ARL15: variants seen among roughly 807,000 people sequenced by gnomAD.
ARL15 encodes ADP-ribosylation factor-like protein 15.
A neutral mutation model predicts 25.2 loss-of-function variants in ARL15; 19 were observed. The observed-to-expected ratio is 0.75, with a 90% CI of 0.53 to 1.10. The LOEUF is 1.10. Among genes scored for constraint, ARL15 ranks in the 50% least tolerant of loss-of-function variants. The probability of loss-of-function intolerance (pLI) is 0.00; values close to 1 mark genes in which losing one functional copy is unlikely to be tolerated. For synonymous variants in ARL15, 94 were observed against 86.8 expected (o/e 1.08, Z -0.46); for missense variants, 220 against 246.0 (o/e 0.89, Z 0.71).
chr5:54,039,720 T>G (rs903649306), intron 4 of ARL15, among the ~76,000 whole-genome samples: 1 of 146,180 alleles, frequency 6.8e-6, no homozygotes, highest in Non-Finnish European at 1.5e-5. Flanking sequence ...GAGAATCGCT[T>G]GAACCCGGGA....
intron 3 of ARL15, among the ~76,000 whole-genome samples, chr5:54,122,451 T>C (rs1220803548): frequency 6.6e-6 from 1 of 152,276 alleles, no homozygotes; most frequent in Non-Finnish European, 1.5e-5. Context: ...TGTGCGTGTA[T>C]ACGCATACCT....
intron 1 of ARL15, among the ~76,000 whole-genome samples, chr5:54,184,204 C>G (rs1250846261): frequency 7.9e-6 from 1 of 125,978 alleles, no homozygotes; most frequent in African/African-American, 3.0e-5. Flanking sequence ...ACATATGTAA[C>G]TAACCTGCAC....
chr5:54,107,256 G>A (rs1161225160), intron 4 of ARL15, among the ~76,000 whole-genome samples: 4 of 152,038 alleles, frequency 2.6e-5, no homozygotes, highest in East Asian at 1.9e-4. Context: ...CCCACAACAC[G>A]TGAGAATTCT....
At chr5:54,008,037 C>G (rs1749105016) in intron 4 of ARL15, among the ~76,000 whole-genome samples, 1 of 152,184 alleles carries the variant, frequency 6.6e-6, no homozygotes, top group Non-Finnish European at 1.5e-5. Context: ...CTAAAAGCAG[C>G]TATATTTGAT....
At chr5:54,172,371 C>A (rs1198570238) in intron 1 of ARL15, among the ~76,000 whole-genome samples, 1 of 150,728 alleles carries the variant, frequency 6.6e-6, no homozygotes, top group African/African-American at 2.4e-5. Context: ...ACTAAAAAGA[C>A]ATAATAATAA....
At chr5:54,301,718 C>G (rs1758620409) in intron 1 of ARL15, among the ~76,000 whole-genome samples, 1 of 152,168 alleles carries the variant, frequency 6.6e-6, no homozygotes, top group South Asian at 2.1e-4. Context: ...TGGAGTGCCT[C>G]CAGATTGTCA....
rs73754468 is a variant in ARL15, at chr5:54,172,453, C to T, written c.49-525G>A. Among the ~76,000 whole-genome samples, 837 of 151,806 alleles carry T rather than the reference C, an allele frequency of 5.5e-3. 12 individuals carry two copies. Among genetic ancestry groups the T allele is most frequent in the African/African-American group, 0.019 (765 of 41,350 alleles). On this transcript the variant is annotated intron_variant, in intron 1 of 4. Coordinates refer to ENST00000504924, the MANE Select transcript of ARL15 (RefSeq NM_019087.3). ...AAAGCCATAAATGACATTATTGAGA[C>T]AATAAGTGAACACTGAATATAGACT...
At chr5:54,091,451 C>G (rs939453593) in intron 4 of ARL15, among the ~76,000 whole-genome samples, 2 of 152,128 alleles carry the variant, frequency 1.3e-5, no homozygotes, top group Non-Finnish European at 2.9e-5. Flanking sequence ...TCCTATAATG[C>G]TACAGAGCTG....
intron 4 of ARL15, among the ~76,000 whole-genome samples, chr5:54,008,002 G>C (rs1034078807): frequency 6.6e-6 from 1 of 152,148 alleles, no homozygotes; most frequent in Non-Finnish European, 1.5e-5. Flanking sequence ...TGCACAGACC[G>C]GCTCCTGCTT....
rs1292953177 is a variant in ARL15, at chr5:53,983,778, G to A, written c.463-97065C>T. Among the ~76,000 whole-genome samples the A allele has an allele frequency of 2.0e-5, 3 of 152,270 alleles. No homozygotes were observed. The East Asian group carries it at 5.8e-4, about 29-fold the overall frequency. On this transcript the variant is annotated intron_variant, in intron 4 of 4. Coordinates refer to ENST00000504924, the MANE Select transcript of ARL15 (RefSeq NM_019087.3). ...AAAATAGACGGAAGAAACCCATTAGGTAATCTCACGCAGTCCTCTGCCAGA... is the reference window on the plus strand; with the variant it reads ...AAAATAGACGGAAGAAACCCATTAGATAATCTCACGCAGTCCTCTGCCAGA...
intron 1 of ARL15, among the ~76,000 whole-genome samples, chr5:54,236,330 G>T (rs935610719): frequency 1.3e-5 from 2 of 151,900 alleles, no homozygotes; most frequent in Non-Finnish European, 2.9e-5. Context: ...AGCCTGGTGG[G>T]TACAGGTACT....
chr5:54,024,800 A>G (rs147804164), intron 4 of ARL15, among the ~76,000 whole-genome samples: 395 of 152,310 alleles, frequency 2.6e-3, no homozygotes, highest in African/African-American at 9.2e-3. Flanking sequence ...ATACATATGT[A>G]TATCTATAGT....
In ARL15 at chr5:54,310,471, A is replaced by G. The variant is rs763102557; in HGVS notation, c.9T>C (p.Asp3=). Residue 3 remains aspartate, a synonymous_variant, in exon 1 of 5, where the codon GAT becomes GAC. Coordinates refer to ENST00000504924, the MANE Select transcript of ARL15 (RefSeq NM_019087.3). ...ACAGAAACGCCTCAGTTATTCGGAG[A>G]TCAGACATCCGGCAGCCTAAAGCAT... MS[D]LRITEAFLYM... 6.2e-7 allele frequency: 1 copy of G among 1,606,342 alleles called. No homozygotes were observed. Among genetic ancestry groups the G allele is most frequent in the Non-Finnish European group, 8.5e-7 (1 of 1,176,678 alleles).
chr5:54,030,164 C>G (rs31228), intron 4 of ARL15, among the ~76,000 whole-genome samples: 46,487 of 151,814 alleles, frequency 0.31, 8,125 homozygotes, highest in African/African-American at 0.47. Context: ...AACAGAGCAA[C>G]ACCCTGTTTC....
chr5:54,254,238 T>G (rs1416927369), intron 1 of ARL15, among the ~76,000 whole-genome samples: 1 of 152,310 alleles, frequency 6.6e-6, no homozygotes, highest in South Asian at 2.1e-4. Context: ...CACGGAGGAA[T>G]AGTTAAGAAG....
At chr5:54,167,205 A>G (rs1011576158) in intron 2 of ARL15, among the ~76,000 whole-genome samples, 7 of 152,170 alleles carry the variant, frequency 4.6e-5, no homozygotes, top group African/African-American at 1.7e-4. Flanking sequence ...CCTCACATGC[A>G]TGCATTGAAT....
chr5:54,123,246 A>T (rs2112250422), intron 3 of ARL15, among the ~76,000 whole-genome samples: 1 of 151,864 alleles, frequency 6.6e-6, no homozygotes, highest in East Asian at 1.9e-4. Flanking sequence ...ACTAGCTGGG[A>T]TTACAGGCAC....
chr5:54,216,443 C>T (rs774473768), intron 1 of ARL15, among the ~76,000 whole-genome samples: 2 of 152,120 alleles, frequency 1.3e-5, no homozygotes, highest in Non-Finnish European at 2.9e-5. Flanking sequence ...GATGGAAGAA[C>T]ATAACTAACA....
intron 1 of ARL15, among the ~76,000 whole-genome samples, chr5:54,245,116 T>G (rs1757056692): frequency 6.6e-6 from 1 of 152,136 alleles, no homozygotes; most frequent in African/African-American, 2.4e-5. Flanking sequence ...AAATTTAACT[T>G]CATGATAATG....
Sources: gnomAD v4.1 joint callset for allele counts (sites outside exome capture counted in the v4.1 genomes callset) on GRCh38, gnomAD v4.1.1 for gene constraint, MANE v1.5 for transcripts, NCBI Gene and HGNC (gene_info 2026-07-23, HGNC 2026-07-21) for gene names.